The following TRPS1 variants were observed in gnomAD, a reference collection of about 807,000 sequenced individuals.
TRPS1 encodes transcriptional repressor GATA binding 1.
In TRPS1, 6 loss-of-function variants were observed where a neutral mutation model predicts 101.2. The observed-to-expected ratio is 0.06, with a 90% CI of 0.03 to 0.12. The LOEUF (loss-of-function observed/expected upper bound fraction) is 0.12, where lower values mean the gene tolerates loss of function less well. Ranked by LOEUF, TRPS1 falls within the 10% of genes least tolerant of loss-of-function variation. The pLI is 1.00. For synonymous variants in TRPS1, 578 were observed against 589.8 expected, an observed-to-expected ratio of 0.98 and a Z score of 0.29; for missense variants, 1,363 against 1,567.0, an observed-to-expected ratio of 0.87 and a Z score of 2.20.
intron 5 of TRPS1, among the ~76,000 whole-genome samples, chr8:115,463,482 A>C (rs1814240854): frequency 6.6e-6 from 1 of 152,122 alleles, no homozygotes; most frequent in East Asian, 1.9e-4. Flanking sequence ...AATTCATGTA[A>C]ATATACCTAA....
chr8:115,582,003 A>G (rs1817463285), intron 5 of TRPS1, among the ~76,000 whole-genome samples: 2 of 152,190 alleles, frequency 1.3e-5, no homozygotes, highest in South Asian at 4.1e-4. Context: ...CTACCTAAAG[A>G]GAAACTACCA....
At chr8:115,620,185 A>T in intron 2 of TRPS1, 125 bp from the exon 3 acceptor site, 1 of 484,318 alleles carries the variant, frequency 2.1e-6, no homozygotes, top group Non-Finnish European at 2.8e-6. Context: ...CCTCTAGGAA[A>T]AAAAAAAAAA....
chr8:115,623,899 T>G (rs554895206), intron 1 of TRPS1, 141 bp from the exon 2 acceptor site: 230 of 649,246 alleles, frequency 3.5e-4, no homozygotes, highest in South Asian at 2.1e-3. Flanking sequence ...TGGAGCAAGA[T>G]CCTCTCCCTC....
rs188629987 is a variant in TRPS1, at chr8:115,467,562, A to G, written c.2701-49110T>C. ...CTATATTGCGATATGAGTGTCCAGGAGCCAGGACAGAGAATAAGACACATT... is the reference window on the plus strand; with the variant it reads ...CTATATTGCGATATGAGTGTCCAGGGGCCAGGACAGAGAATAAGACACATT... On this transcript the variant is annotated intron_variant, in intron 5 of 6. Coordinates refer to ENST00000395715, the MANE Select transcript of TRPS1 (RefSeq NM_014112.5). 1.3e-3 allele frequency among the ~76,000 whole-genome samples: 200 copies of G among 152,222 alleles called. 1 individual carries two copies. Among genetic ancestry groups the G allele is most frequent in the Middle Eastern group, 0.01 (3 of 294 alleles).
At chr8:115,581,936 T>C (rs1022937827) in intron 5 of TRPS1, among the ~76,000 whole-genome samples, 26 of 152,210 alleles carry the variant, frequency 1.7e-4, no homozygotes, top group Non-Finnish European at 1.3e-4. Flanking sequence ...CATCTCTGCA[T>C]ATAGTCAATA....
chr8:115,619,841 T>C lies in TRPS1; in HGVS notation c.257A>G (p.Lys86Arg). The change falls in exon 3 of 7, where the codon AAG becomes AGG. Residue 86 changes from lysine to arginine, a missense_variant. Around this residue, in one of 5 missense-constraint regions of TRPS1, gnomAD observed 1,020 missense variants for 1,073.0 expected, o/e 0.95. Coordinates refer to ENST00000395715, the MANE Select transcript of TRPS1 (RefSeq NM_014112.5). Reference protein sequence around the residue: ...HVQDPSSSSKKDLKSAVLSEK... With the variant: ...HVQDPSSSSKRDLKSAVLSEK... ...ACTCAGAACTGCGCTTTTCAAGTCC[T>C]TCTTACTGCTAGAAGATGGATCTTG... 1 of 1,614,216 alleles carries C rather than the reference T, an allele frequency of 6.2e-7. No individual in the cohort carries two copies. Among genetic ancestry groups the C allele is most frequent in the Non-Finnish European group, 8.5e-7 (1 of 1,180,026 alleles).
chr8:115,615,330 C>G (rs1818253199), intron 3 of TRPS1, among the ~76,000 whole-genome samples: 1 of 152,218 alleles, frequency 6.6e-6, no homozygotes, highest in African/African-American at 2.4e-5. Flanking sequence ...ATAACCTGAT[C>G]TGAGGGCTAA....
intron 5 of TRPS1, among the ~76,000 whole-genome samples, chr8:115,574,600 G>A (rs1817275569): frequency 6.6e-6 from 1 of 152,082 alleles, no homozygotes; most frequent in Non-Finnish European, 1.5e-5. Flanking sequence ...GTAAGCAAAT[G>A]AAAGAAAATT....
intron 5 of TRPS1, among the ~76,000 whole-genome samples, chr8:115,522,502 C>T (rs1421109792): frequency 2.6e-5 from 4 of 151,844 alleles, no homozygotes; most frequent in Non-Finnish European, 5.9e-5. Context: ...TGTCTGGTCG[C>T]TTTATAATAT....
chr8:115,590,031 T>C lies in TRPS1; in HGVS notation c.2097-2427A>G, dbSNP rs191651701. 6.8e-3 allele frequency among the ~76,000 whole-genome samples: 1,035 copies of C among 151,996 alleles called. 14 individuals carry two copies. The highest frequency in any genetic ancestry group is 0.01 in the Non-Finnish European group (697 of 67,956). Reference sequence around the variant, plus strand: ...ACTCGGGAGGCTGAGGCAGGAGAATTACTTGAACCTGGGAGGCGGAGGTTG... The same window carrying C: ...ACTCGGGAGGCTGAGGCAGGAGAATCACTTGAACCTGGGAGGCGGAGGTTG... On this transcript the variant is annotated intron_variant, in intron 4 of 6. Coordinates refer to ENST00000395715, the MANE Select transcript of TRPS1 (RefSeq NM_014112.5).
intron 3 of TRPS1, among the ~76,000 whole-genome samples, chr8:115,610,548 G>A (rs577319976): frequency 3.9e-5 from 6 of 152,278 alleles, no homozygotes; most frequent in African/African-American, 1.4e-4. Flanking sequence ...CAGTGACACT[G>A]TAACAACTCC....
chr8:115,535,443 C>G lies in TRPS1; in HGVS notation c.2700+51558G>C, dbSNP rs565549236. On this transcript the variant is annotated intron_variant, in intron 5 of 6. Transcript: ENST00000395715. ...GCATATATATAGTGCATATATATAG[C>G]GTATATAGTGCATATATAGCATATA... Among the ~76,000 whole-genome samples the G allele has an allele frequency of 9.0e-5, 13 of 144,750 alleles. No homozygotes were observed. In the South Asian group the frequency reaches 2.6e-3, roughly 29 times the overall value. The allele number at this position is 144,750 out of a possible 152,430, so 95.0% of individuals were successfully genotyped here. A position where few individuals can be genotyped will look rare whatever the true frequency, so the allele number is the denominator to read the frequency against.
intron 5 of TRPS1, among the ~76,000 whole-genome samples, chr8:115,474,494 G>A (rs1334325924): frequency 6.6e-6 from 1 of 151,968 alleles, no homozygotes; most frequent in Non-Finnish European, 1.5e-5. Flanking sequence ...TATAGAACTG[G>A]GTTATGCACT....
intron 5 of TRPS1, among the ~76,000 whole-genome samples, chr8:115,424,957 C>T (rs1813153027): frequency 6.6e-6 from 1 of 152,106 alleles, no homozygotes; most frequent in African/African-American, 2.4e-5. Context: ...CCATGTCCCT[C>T]CCCTCTTCCC....
intron 2 of TRPS1, among the ~76,000 whole-genome samples, chr8:115,621,093 T>C (rs988053412): frequency 5.3e-5 from 8 of 152,232 alleles, no homozygotes; most frequent in African/African-American, 1.4e-4. Flanking sequence ...CAAATTCTTC[T>C]GCTGGAGTAG....
intron 2 of TRPS1, among the ~76,000 whole-genome samples, chr8:115,621,564 T>C (rs1395186334): frequency 6.6e-6 from 1 of 152,154 alleles, no homozygotes; most frequent in Admixed American, 6.5e-5. Context: ...AGGAATCATT[T>C]ATAAAGTAAA....
chr8:115,466,954 C>G (rs2129997181), intron 5 of TRPS1, among the ~76,000 whole-genome samples: 1 of 151,968 alleles, frequency 6.6e-6, no homozygotes, highest in East Asian at 1.9e-4. Flanking sequence ...AAATTATGCG[C>G]TACTTTAATA....
intron 5 of TRPS1, among the ~76,000 whole-genome samples, chr8:115,462,955 C>A (rs1404958654): frequency 3.3e-5 from 5 of 152,146 alleles, no homozygotes; most frequent in Admixed American, 2.0e-4. Flanking sequence ...AATACAGGAT[C>A]CTTCTTTGCT....
intron 5 of TRPS1, among the ~76,000 whole-genome samples, chr8:115,576,667 A>C (rs1817326701): frequency 1.3e-5 from 2 of 152,186 alleles, no homozygotes; most frequent in South Asian, 2.1e-4. Context: ...ATCTAATTTT[A>C]CCAGAAAATA....
Sources: allele counts gnomAD v4.1 joint callset (sites outside exome capture counted in the v4.1 genomes callset), GRCh38; gene constraint gnomAD v4.1.1; regional missense constraint gnomAD v4.1.1; transcripts MANE v1.5; gene names NCBI Gene and HGNC (gene_info 2026-07-23, HGNC 2026-07-21).